RAP1GAP2: variants seen among roughly 807,000 people sequenced by gnomAD.
The protein encoded by RAP1GAP2 is RAP1 GTPase activating protein 2.
Under a neutral mutation model 95.0 loss-of-function variants are expected in RAP1GAP2, and 27 were observed. The ratio of observed to expected loss-of-function variants is 0.28; its 90% CI spans 0.21 to 0.39. RAP1GAP2 has a LOEUF of 0.39. Ranked by LOEUF, RAP1GAP2 falls within the 10% of genes least tolerant of loss-of-function variation. RAP1GAP2 has a pLI of 1.00. For missense variants in RAP1GAP2, 771 were observed against 970.0 expected, an observed-to-expected ratio of 0.79 and a Z score of 2.72; for synonymous variants, 373 against 380.9, an observed-to-expected ratio of 0.98 and a Z score of 0.24.
At chr17:2,843,151 C>T (rs1222436404) in intron 2 of RAP1GAP2, among the ~76,000 whole-genome samples, 2 of 152,224 alleles carry the variant, frequency 1.3e-5, no homozygotes, top group Admixed American at 6.5e-5. Context: ...TGGAATAATA[C>T]ATGAAGAAAA....
chr17:2,997,793 C>T (rs921091305), intron 13 of RAP1GAP2, among the ~76,000 whole-genome samples: 6 of 151,818 alleles, frequency 4.0e-5, no homozygotes, highest in East Asian at 1.9e-4. Context: ...TGTAGTGTCA[C>T]GCGTCTGTAA....
intron 3 of RAP1GAP2, among the ~76,000 whole-genome samples, chr17:2,931,615 C>G (rs992732753): frequency 7.9e-5 from 12 of 152,182 alleles, no homozygotes; most frequent in Non-Finnish European, 1.3e-4. Flanking sequence ...ATTAAAGCCC[C>G]CATGCGGTTG....
At chr17:2,862,517 C>T (rs1164095176) in intron 2 of RAP1GAP2, among the ~76,000 whole-genome samples, 1 of 152,008 alleles carries the variant, frequency 6.6e-6, no homozygotes, top group Non-Finnish European at 1.5e-5. Flanking sequence ...GAAGCACCCC[C>T]ACGCCCCCCA....
chr17:2,907,926 C>T (rs1250633815), intron 3 of RAP1GAP2, among the ~76,000 whole-genome samples: 1 of 152,142 alleles, frequency 6.6e-6, no homozygotes, highest in Non-Finnish European at 1.5e-5. Flanking sequence ...CCTACCTGAG[C>T]CTCCCGAGTA....
At chr17:2,948,605 G>C (rs1367792770) in intron 3 of RAP1GAP2, among the ~76,000 whole-genome samples, 1 of 149,398 alleles carries the variant, frequency 6.7e-6, no homozygotes, top group Non-Finnish European at 1.5e-5. Flanking sequence ...GGAAGAGGTG[G>C]CTGCCTGTCT....
intron 3 of RAP1GAP2, among the ~76,000 whole-genome samples, chr17:2,942,932 C>T (rs2043553160): frequency 6.6e-6 from 1 of 151,922 alleles, no homozygotes; most frequent in Non-Finnish European, 1.5e-5. Context: ...CCACGCCTAG[C>T]TAATTTTTGT....
At position 2,759,489 on chromosome 17, in the gene RAP1GAP2, C is replaced by T. The variant is rs565075353; in HGVS notation, c.50+3722C>T. Among the ~76,000 whole-genome samples the T allele has an allele frequency of 7.2e-5, 11 of 152,186 alleles. No individual in the cohort carries two copies. The South Asian group carries it at 8.3e-4, about 11-fold the overall frequency. On this transcript the variant is annotated intron_variant, in intron 1 of 25. Coordinates refer to the RAP1GAP2 transcript ENST00000637138. ...TTTTGAGACAGAGTCTCACTCTTGT[C>T]GCCCAGGCTGGAGTGCAATGGTACA...
chr17:2,921,859 G>A (rs1194514620), intron 3 of RAP1GAP2, among the ~76,000 whole-genome samples: 1 of 152,184 alleles, frequency 6.6e-6, no homozygotes, highest in Non-Finnish European at 1.5e-5. Context: ...GCACAGCTCT[G>A]CTCTCTTCCT....
chr17:2,862,401 A>C (rs1360141372), intron 2 of RAP1GAP2, among the ~76,000 whole-genome samples: 1 of 152,130 alleles, frequency 6.6e-6, no homozygotes, highest in Non-Finnish European at 1.5e-5. Flanking sequence ...GATGTTGCCA[A>C]ATAGAGGGCT....
Position 2,857,985 on chromosome 17 carries a change from A to G in RAP1GAP2, c.81-47299A>G, listed in dbSNP as rs2072217334. 6.6e-6 allele frequency among the ~76,000 whole-genome samples: 1 copy of G among 152,150 alleles called. No homozygotes were observed. The highest frequency in any genetic ancestry group is 2.4e-5 in the African/African-American group (1 of 41,440). On this transcript the variant is annotated intron_variant, in intron 2 of 24. Transcript: ENST00000254695. The surrounding 1 kb of genome is among the most constrained non-coding windows in gnomAD (Gnocchi z 4.0). ...TGTGGTGGCGTGCACCTGTAATCCC[A>G]GCTATTCAGGAGGCTGAGGCAGGAC...
intron 3 of RAP1GAP2, among the ~76,000 whole-genome samples, chr17:2,929,497 G>C (rs2043073742): frequency 6.6e-6 from 1 of 152,232 alleles, no homozygotes; most frequent in Non-Finnish European, 1.5e-5. Flanking sequence ...ACACATGGCT[G>C]CCTGGGGCAT....
intron 3 of RAP1GAP2, among the ~76,000 whole-genome samples, chr17:2,931,897 ATC>A (rs1194716866): frequency 6.6e-6 from 1 of 152,140 alleles, no homozygotes; most frequent in African/African-American, 2.4e-5. Context: ...TGGAGATGGC[ATC>A]TCTCAGGCAC....
rs560708967 is a variant in RAP1GAP2, at chr17:2,871,732, A to G, written c.81-33552A>G. Among the ~76,000 whole-genome samples, 30 of 152,244 alleles carry G rather than the reference A, an allele frequency of 2.0e-4. No homozygotes were observed. Among genetic ancestry groups the G allele is most frequent in the Non-Finnish European group, 3.8e-4 (26 of 68,002 alleles). On this transcript the variant is annotated intron_variant, in intron 2 of 24. Transcript: ENST00000254695. This position sits in a 1 kb window ranked among gnomAD's most constrained non-coding sequence, Gnocchi z 5.0. ...AGTAGCTGTCTCCATTATCCATGCTATCCTCCTTGACCCAGTGAGCCACCT... is the reference window on the plus strand; with the variant it reads ...AGTAGCTGTCTCCATTATCCATGCTGTCCTCCTTGACCCAGTGAGCCACCT...
intron 2 of RAP1GAP2, among the ~76,000 whole-genome samples, chr17:2,771,798 T>C (rs1344166560): frequency 6.6e-6 from 1 of 152,032 alleles, no homozygotes; most frequent in African/African-American, 2.4e-5. Flanking sequence ...CCACATAACT[T>C]CAGATTTCAT....
intron 3 of RAP1GAP2, among the ~76,000 whole-genome samples, chr17:2,926,183 G>A (rs1165372325): frequency 2.6e-5 from 4 of 151,916 alleles, no homozygotes; most frequent in Non-Finnish European, 4.4e-5. Flanking sequence ...AGCCCTGGGG[G>A]TAACTGAGCT....
intron 2 of RAP1GAP2, among the ~76,000 whole-genome samples, chr17:2,859,101 T>C (rs900689645): frequency 1.3e-5 from 2 of 149,750 alleles, no homozygotes; most frequent in Admixed American, 1.3e-4. Context: ...TGTATTTTCC[T>C]CCAACTCTTT....
chr17:2,886,169 ATATT>A (rs2073494686), intron 2 of RAP1GAP2, among the ~76,000 whole-genome samples: 1 of 123,748 alleles, frequency 8.1e-6, no homozygotes, highest in Non-Finnish European at 1.7e-5. Flanking sequence ...GTGTATATAT[ATATT>A]TTTTTTTTTT....
At chr17:2,970,988 T>C (rs2044845451) in intron 8 of RAP1GAP2, among the ~76,000 whole-genome samples, 1 of 152,168 alleles carries the variant, frequency 6.6e-6, no homozygotes, top group Non-Finnish European at 1.5e-5. Flanking sequence ...TGAGCCATGA[T>C]TGTGCCACTG....
intron 18 of RAP1GAP2, among the ~76,000 whole-genome samples, chr17:3,019,511 C>T (rs2046883916): frequency 6.6e-6 from 1 of 152,140 alleles, no homozygotes. Context: ...GAGACCCTGT[C>T]TCCAAATCTA....
Sources: allele counts gnomAD v4.1 joint callset (sites outside exome capture counted in the v4.1 genomes callset), GRCh38; gene constraint gnomAD v4.1.1; non-coding constraint Gnocchi (gnomAD v3.1); transcripts MANE v1.5; gene names NCBI Gene and HGNC (gene_info 2026-07-23, HGNC 2026-07-21).